Variants in FAM171A1 observed in about 807,000 individuals in gnomAD.
The protein encoded by FAM171A1 is family with sequence similarity 171 member A1.
A neutral mutation model predicts 74.9 loss-of-function variants in FAM171A1; 23 were observed. The observed-to-expected ratio is 0.31, with a 90% CI of 0.22 to 0.44. The LOEUF (loss-of-function observed/expected upper bound fraction) is 0.44, where lower values mean the gene tolerates loss of function less well. FAM171A1 is among the 20% of genes least tolerant of loss of function. FAM171A1 has a pLI of 1.00. For missense variants in FAM171A1, 1,162 were observed against 1,159.2 expected, an observed-to-expected ratio of 1.00 and a Z score of -0.03; for synonymous variants, 527 against 505.7, an observed-to-expected ratio of 1.04 and a Z score of -0.57.
At chr10:15,263,254 T>C (rs1384001510) in intron 3 of FAM171A1, among the ~76,000 whole-genome samples, 1 of 152,192 alleles carries the variant, frequency 6.6e-6, no homozygotes, top group Admixed American at 6.5e-5. Context: ...GAGCCAGAGC[T>C]GCAGGCTGGC....
intron 6 of FAM171A1, among the ~76,000 whole-genome samples, chr10:15,217,659 C>T (rs766879307): frequency 3.4e-4 from 50 of 148,248 alleles, no homozygotes; most frequent in South Asian, 1.5e-3. Flanking sequence ...TTTTTTGAGA[C>T]GGAGTCTTTG....
At chr10:15,272,274 C>T (rs1216373516) in intron 3 of FAM171A1, among the ~76,000 whole-genome samples, 4 of 152,024 alleles carry the variant, frequency 2.6e-5, no homozygotes, top group African/African-American at 9.7e-5. Flanking sequence ...TTTAAACCAA[C>T]AAAGATCAAA....
intron 2 of FAM171A1, among the ~76,000 whole-genome samples, chr10:15,278,010 C>T (rs1220536321): frequency 2.0e-5 from 3 of 152,160 alleles, no homozygotes; most frequent in African/African-American, 7.2e-5. Flanking sequence ...CCCTCCTCGG[C>T]CTCCCAAAGT....
intron 1 of FAM171A1, among the ~76,000 whole-genome samples, chr10:15,304,082 A>T (rs1835264980): frequency 6.6e-6 from 1 of 152,214 alleles, no homozygotes; most frequent in Non-Finnish European, 1.5e-5. Flanking sequence ...AAAGTGTCAG[A>T]AGCTTCCTCC....
At chr10:15,276,747 C>G (rs988511933) in intron 2 of FAM171A1, among the ~76,000 whole-genome samples, 2 of 152,020 alleles carry the variant, frequency 1.3e-5, no homozygotes, top group African/African-American at 4.8e-5. Context: ...TGCAGTGGCA[C>G]GGTTAGAACT....
intron 1 of FAM171A1, among the ~76,000 whole-genome samples, chr10:15,318,719 T>A (rs4748160): frequency 0.41 from 62,793 of 151,924 alleles, 13,629 homozygotes; most frequent in East Asian, 0.79. Flanking sequence ...TCCCCTCCCT[T>A]TAAGACCTTA....
At chr10:15,229,623 ACCC>A (rs1214408661) in intron 5 of FAM171A1, among the ~76,000 whole-genome samples, 2 of 125,034 alleles carry the variant, frequency 1.6e-5, no homozygotes, top group African/African-American at 6.0e-5. Context: ...CACCATTGTC[ACCC>A]CCATCACCAT....
intron 3 of FAM171A1, among the ~76,000 whole-genome samples, chr10:15,262,142 T>C (rs923442998): frequency 6.6e-6 from 1 of 152,050 alleles, no homozygotes; most frequent in Non-Finnish European, 1.5e-5. Flanking sequence ...GAGTTTGGAT[T>C]TGTGTGGGCC....
chr10:15,230,879 A>C (rs1365637471), intron 5 of FAM171A1, among the ~76,000 whole-genome samples: 1 of 152,224 alleles, frequency 6.6e-6, no homozygotes, highest in Non-Finnish European at 1.5e-5. Context: ...ATACAAGCTA[A>C]TTAGCCCCAT....
chr10:15,232,142 C>CT (rs966167678), intron 5 of FAM171A1, among the ~76,000 whole-genome samples: 2 of 152,118 alleles, frequency 1.3e-5, no homozygotes, highest in Admixed American at 1.3e-4. Context: ...CCATTGTGTC[C>CT]TTGCCTAGAG....
intron 1 of FAM171A1, among the ~76,000 whole-genome samples, chr10:15,296,606 A>T (rs1835163836): frequency 6.6e-6 from 1 of 152,226 alleles, no homozygotes; most frequent in South Asian, 2.1e-4. Flanking sequence ...TACGCTGGGC[A>T]CTAGAACCCC....
At chr10:15,222,176 C>T (rs1417872786) in intron 5 of FAM171A1, among the ~76,000 whole-genome samples, 1 of 152,204 alleles carries the variant, frequency 6.6e-6, no homozygotes, top group Non-Finnish European at 1.5e-5. Context: ...TCACCTCTCT[C>T]CTATAATCAT....
chr10:15,253,912 GGTACCC>G (rs1170093496), intron 4 of FAM171A1, among the ~76,000 whole-genome samples: 1 of 152,188 alleles, frequency 6.6e-6, no homozygotes, highest in Non-Finnish European at 1.5e-5. Context: ...AGAGGTGGAA[GGTACCC>G]GTCTTGGGTC....
chr10:15,257,294 A>G (rs2131772448), intron 3 of FAM171A1, among the ~76,000 whole-genome samples: 1 of 152,260 alleles, frequency 6.6e-6, no homozygotes, highest in East Asian at 1.9e-4. Flanking sequence ...TGGGGCACAG[A>G]AACCTTCTCC....
chr10:15,212,827 T>TC lies in FAM171A1; in HGVS notation c.*87dup. The TC allele has an allele frequency of 6.5e-7, 1 of 1,534,244 alleles. No homozygotes were observed. On this transcript the variant is annotated 3_prime_UTR_variant, in exon 8 of 8. Coordinates refer to ENST00000378116, the MANE Select transcript of FAM171A1 (RefSeq NM_001010924.2). ...GTCCGTCCCACGGCTGGGCTGCCGT[T>TC]CCGTTTCCTCCACGAACGGGTACGC...
chr10:15,267,505 A>C (rs1445832498), intron 3 of FAM171A1, among the ~76,000 whole-genome samples: 2 of 147,738 alleles, frequency 1.4e-5, no homozygotes, highest in African/African-American at 2.5e-5. Flanking sequence ...CAGCAGGCTA[A>C]GGCAGGAGAA....
chr10:15,317,190 T>C (rs961104011), intron 1 of FAM171A1, among the ~76,000 whole-genome samples: 6 of 152,062 alleles, frequency 3.9e-5, no homozygotes, highest in Admixed American at 2.0e-4. Context: ...GGGAGTGGGA[T>C]GTGCAGACAC....
chr10:15,304,934 AT>A (rs1835275524), intron 1 of FAM171A1, among the ~76,000 whole-genome samples: 1 of 152,000 alleles, frequency 6.6e-6, no homozygotes, highest in African/African-American at 2.4e-5. Flanking sequence ...GGAGTTTCCC[AT>A]GTTGGTCATG....
At chr10:15,374,036 C>A (rs1455816721), upstream of FAM171A1, among the ~76,000 whole-genome samples, 2 of 152,084 alleles carry the variant, frequency 1.3e-5, no homozygotes, top group African/African-American at 4.8e-5. Flanking sequence ...CTGGCTCAAC[C>A]AAAAATAGAA....
Sources: gnomAD v4.1 joint callset for allele counts (sites outside exome capture counted in the v4.1 genomes callset) on GRCh38, gnomAD v4.1.1 for gene constraint, MANE v1.5 for transcripts, NCBI Gene and HGNC (gene_info 2026-07-23, HGNC 2026-07-21) for gene names.